ITSN1: variants seen among roughly 807,000 people sequenced by gnomAD.
ITSN1 encodes intersectin-1.
Under a neutral mutation model 239.8 loss-of-function variants are expected in ITSN1, and 58 were observed. The observed-to-expected ratio is 0.24, with a 90% confidence interval of 0.20 to 0.30. The LOEUF (loss-of-function observed/expected upper bound fraction) is 0.30, where lower values mean the gene tolerates loss of function less well. Among genes scored for constraint, ITSN1 ranks in the 10% least tolerant of loss-of-function variants. The probability of loss-of-function intolerance (pLI) is 1.00; values close to 1 mark genes in which losing one functional copy is unlikely to be tolerated. For missense variants in ITSN1, 1,558 were observed against 2,103.3 expected (o/e 0.74, Z 5.07); for synonymous variants, 780 against 770.8 (o/e 1.01, Z -0.20).
intron 5 of ITSN1, among the ~76,000 whole-genome samples, chr21:33,741,574 T>G (rs921739066): frequency 2.0e-5 from 3 of 152,052 alleles, no homozygotes; most frequent in African/African-American, 2.4e-5. Context: ...TGTTGGATTT[T>G]CAGTGTCTAT....
At position 33,794,789 on chromosome 21, in the gene ITSN1, G is replaced by T. The variant is rs112780598; in HGVS notation, c.1952+321G>T. Reference sequence around the variant, plus strand: ...CACAGCCTTTTACTAACAGCTAACAGGGGTTGGAGTGCCTGGTTTAAAATC... The same window carrying T: ...CACAGCCTTTTACTAACAGCTAACATGGGTTGGAGTGCCTGGTTTAAAATC... On this transcript the variant is annotated intron_variant, in intron 17 of 39. Transcript: ENST00000381318. Among the ~76,000 whole-genome samples, 34 of 101,654 alleles carry T rather than the reference G, an allele frequency of 3.3e-4. No homozygotes were observed. In the South Asian group the frequency reaches 0.01, roughly 31 times the overall value. The allele number at this position is 101,654 out of a possible 152,430, so 66.7% of individuals were successfully genotyped here. A position where few individuals can be genotyped will look rare whatever the true frequency, so the allele number is the denominator to read the frequency against.
chr21:33,710,927 T>G (rs1207721443), intron 1 of ITSN1, among the ~76,000 whole-genome samples: 2 of 151,500 alleles, frequency 1.3e-5, no homozygotes, highest in Non-Finnish European at 2.9e-5. Flanking sequence ...TGCCTCAGCC[T>G]CCTGAGCAGC....
chr21:33,749,760 T>C (rs890357727), intron 5 of ITSN1, among the ~76,000 whole-genome samples: 2 of 152,224 alleles, frequency 1.3e-5, no homozygotes, highest in African/African-American at 2.4e-5. Flanking sequence ...TTGATTTTTC[T>C]ACCTTTTATT....
In ITSN1 at chr21:33,650,211, A is replaced by C. The variant is rs571901514; in HGVS notation, c.-33+7498A>C. 2.6e-5 allele frequency among the ~76,000 whole-genome samples: 4 copies of C among 152,182 alleles called. 1 individual carries two copies. The East Asian group carries it at 7.7e-4, about 29-fold the overall frequency. ...TGTTCCTCCTTGCATTATGTCTGCA[A>C]ATCGTTCTGGTGTCTGGTGGCATGC... On this transcript the variant is annotated intron_variant, in intron 1 of 39. Coordinates refer to ENST00000381318, the MANE Select transcript of ITSN1 (RefSeq NM_003024.3).
chr21:33,725,383 C>G (rs2065767896), intron 4 of ITSN1, among the ~76,000 whole-genome samples: 1 of 151,962 alleles, frequency 6.6e-6, no homozygotes, highest in African/African-American at 2.4e-5. Context: ...ATCCACCTGC[C>G]TCGACCTCCC....
intron 9 of ITSN1, among the ~76,000 whole-genome samples, chr21:33,764,272 A>G (rs2068567027): frequency 6.6e-6 from 1 of 152,238 alleles, no homozygotes; most frequent in African/African-American, 2.4e-5. Context: ...ACTAAAAAAG[A>G]TATTTTAATT....
chr21:33,669,875 C>T (rs2090161194), intron 1 of ITSN1, among the ~76,000 whole-genome samples: 1 of 151,816 alleles, frequency 6.6e-6, no homozygotes, highest in Non-Finnish European at 1.5e-5. Context: ...CAATGTAGAA[C>T]CTTATTCTTT....
rs1308368293 is a variant in ITSN1, at chr21:33,888,610, G to A, written c.*310G>A. 1.2e-4 allele frequency: 29 copies of A among 241,876 alleles called. No individual in the cohort carries two copies. The highest frequency in any genetic ancestry group is 1.1e-3 in the Admixed American group (20 of 18,890). The allele number at this position is 241,876 out of a possible 1,614,324, so 15.0% of individuals were successfully genotyped here. ...CAGCTGGGAGTCTAGCCCCTTCCCG[G>A]GCTTGAGGGATGGGTCTGGTTACTA... On this transcript the variant is annotated 3_prime_UTR_variant, in exon 40 of 40. Transcript: ENST00000381318.
rs181653863 is a variant in ITSN1 at position 33,836,607 on chromosome 21, C to G, written c.3636C>G (p.Thr1212=). ...TCCCATCCAATTATGTGAAGCTGACCACAGACATGGACCCAAGCCAGCAAT... is the reference window on the plus strand; with the variant it reads ...TCCCATCCAATTATGTGAAGCTGACGACAGACATGGACCCAAGCCAGCAAT... ...GLFPSNYVKL[T]TDMDPSQQWC... Residue 1212 remains threonine (T), a synonymous_variant, in exon 29 of 40, where the codon ACC becomes ACG. Coordinates refer to ENST00000381318, the MANE Select transcript of ITSN1 (RefSeq NM_003024.3). 118 of 1,613,988 alleles carry G rather than the reference C, an allele frequency of 7.3e-5. 1 individual carries two copies. The East Asian group carries it at 2.6e-3, about 35-fold the overall frequency.
At chr21:33,842,595 G>A (rs1409119811) in intron 29 of ITSN1, among the ~76,000 whole-genome samples, 1 of 151,922 alleles carries the variant, frequency 6.6e-6, no homozygotes, top group Non-Finnish European at 1.5e-5. Context: ...GTGACAGTAG[G>A]TCAAACGGTG....
chr21:33,824,068 A>C (rs1249255651), intron 25 of ITSN1, among the ~76,000 whole-genome samples: 3 of 152,200 alleles, frequency 2.0e-5, no homozygotes, highest in Admixed American at 6.5e-5. Context: ...ATCGCCCCAG[A>C]ATATTGGATA....
chr21:33,817,375 C>T (rs1365042316), intron 22 of ITSN1: 40 of 1,304,306 alleles, frequency 3.1e-5, no homozygotes, highest in Non-Finnish European at 3.9e-5. Context: ...CCTCCGAAGC[C>T]CTAGCTGTCA....
intron 1 of ITSN1, among the ~76,000 whole-genome samples, chr21:33,664,138 G>A (rs1165864478): frequency 1.3e-5 from 2 of 152,176 alleles, no homozygotes; most frequent in African/African-American, 2.4e-5. Context: ...CTGAGGCTGG[G>A]TAATTTATAA....
At chr21:33,835,461 A>G (rs1010948719) in intron 28 of ITSN1, among the ~76,000 whole-genome samples, 2 of 152,180 alleles carry the variant, frequency 1.3e-5, no homozygotes, top group Non-Finnish European at 2.9e-5. Context: ...ATTCATAGGG[A>G]CTGTGACCTG....
At chr21:33,729,290 T>TA (rs775675760) in intron 4 of ITSN1, among the ~76,000 whole-genome samples, 2,260 of 148,940 alleles carry the variant, frequency 0.015, 28 homozygotes, top group Middle Eastern at 0.031. Context: ...GTCTCTACTT[T>TA]AAAAAAAAAA....
chr21:33,792,215 A>AT (rs1465264943), intron 16 of ITSN1, among the ~76,000 whole-genome samples: 2 of 151,570 alleles, frequency 1.3e-5, no homozygotes, highest in Non-Finnish European at 2.9e-5. Flanking sequence ...TTTATTTTTT[A>AT]TTTTTTTGAG....
At chr21:33,857,377 C>A (rs1189567526) in intron 30 of ITSN1, among the ~76,000 whole-genome samples, 1 of 152,240 alleles carries the variant, frequency 6.6e-6, no homozygotes. Flanking sequence ...GATGCCTCCT[C>A]ATCTTGTCAG....
chr21:33,784,701 A>G (rs185362357), intron 16 of ITSN1, among the ~76,000 whole-genome samples: 7 of 152,302 alleles, frequency 4.6e-5, no homozygotes, highest in Admixed American at 3.3e-4. Context: ...GATTGAGACA[A>G]CTCAGAGATG....
At chr21:33,877,482 G>A (rs1016194674) in intron 34 of ITSN1, among the ~76,000 whole-genome samples, 2 of 152,118 alleles carry the variant, frequency 1.3e-5, no homozygotes, top group African/African-American at 4.8e-5. Flanking sequence ...GTAAACTTGC[G>A]TGAGAGCTAC....
Sources: gnomAD v4.1 joint callset for allele counts (sites outside exome capture counted in the v4.1 genomes callset) on GRCh38, gnomAD v4.1.1 for gene constraint, MANE v1.5 for transcripts, NCBI Gene and HGNC (gene_info 2026-07-23, HGNC 2026-07-21) for gene names.